The following FADS6 variants were observed in gnomAD, a reference collection of about 807,000 sequenced individuals.
FADS6 encodes fatty acid desaturase 6, also known as fatty acid desaturase domain family, member 6.
In FADS6, 28 loss-of-function variants were observed where a neutral mutation model predicts 31.7. The observed-to-expected ratio is 0.88, with a 90% CI of 0.66 to 1.21. The LOEUF is 1.21. Among genes scored for constraint, FADS6 ranks in the 50% most tolerant of loss-of-function variants. The probability of loss-of-function intolerance (pLI) is 0.00; values close to 1 mark genes in which losing one functional copy is unlikely to be tolerated. For missense variants in FADS6, 494 were observed against 504.2 expected (o/e 0.98, Z 0.19); for synonymous variants, 191 against 213.1 (o/e 0.90, Z 0.90).
chr17:74,892,415 G>GC (rs10715050), intron 2 of FADS6, 108 bp downstream of exon 2: 79,052 of 1,355,066 alleles, frequency 0.058, 3,647 homozygotes, highest in African/African-American at 0.23. Context: ...GCAGCGGCCT[G>GC]CCCCCGTGGG....
intron 3 of FADS6, 46 bp downstream of exon 3, chr17:74,882,484 C>G: frequency 6.4e-7 from 1 of 1,553,480 alleles, no homozygotes; most frequent in Middle Eastern, 1.8e-4. Flanking sequence ...AGCAGGGGAA[C>G]TAGGTCCATG....
chr17:74,892,744 C>A lies in FADS6; in HGVS notation c.245-55G>T, dbSNP rs1219058467. On this transcript the variant is annotated intron_variant, in intron 1 of 5. Transcript: ENST00000612771. The stretch of plus-strand genomic sequence containing the variant: ...TTTCTCTAGCTCTGGGTGATCTGGG[C>A]CCAAATACCTCAACCCTTACCCTGG... The A allele has an allele frequency of 4.0e-6, 6 of 1,517,668 alleles. No individual in the cohort carries two copies. In the Admixed American group the frequency reaches 9.9e-5, roughly 25 times the overall value. 94.0% of individuals were successfully genotyped at this position (1,517,668 alleles called of 1,614,324 possible). A position where few individuals can be genotyped will look rare whatever the true frequency, so the allele number is the denominator to read the frequency against.
intron 1 of FADS6, among the ~76,000 whole-genome samples, chr17:74,892,923 C>G (rs1162339500): frequency 6.6e-6 from 1 of 152,126 alleles, no homozygotes; most frequent in East Asian, 1.9e-4. Flanking sequence ...TCCTGGGCCC[C>G]CAGCCAAAGC....
intron 3 of FADS6, among the ~76,000 whole-genome samples, chr17:74,881,744 AAAAG>A (rs1169513106): frequency 1.3e-5 from 2 of 151,638 alleles, no homozygotes; most frequent in East Asian, 1.9e-4. Context: ...AAAAAAAAAA[AAAAG>A]AAAGAAAAGA....
chr17:74,877,823 C>T lies in FADS6; in HGVS notation c.*508G>A, dbSNP rs185530190. ...GGAAGGCCTGCCAAAAGCAAGCTCA[C>T]CCTAAGGTCCCCGGGGAGAGGGCAC... On this transcript the variant is annotated 3_prime_UTR_variant, in exon 6 of 6. Coordinates refer to ENST00000612771, the MANE Select transcript of FADS6 (RefSeq NM_178128.6). 2.5e-5 allele frequency: 25 copies of T among 986,370 alleles called. No homozygotes were observed. The African/African-American group carries it at 4.0e-4, about 16-fold the overall frequency. The allele number at this position is 986,370 out of a possible 1,614,324, so 61.1% of individuals were successfully genotyped here.
chr17:74,881,986 A>G (rs8077781), intron 3 of FADS6, among the ~76,000 whole-genome samples: 18,629 of 151,298 alleles, frequency 0.12, 2,208 homozygotes, highest in African/African-American at 0.31. Flanking sequence ...CCCAAGCTGG[A>G]GTGCAATGGT....
intron 4 of FADS6, among the ~76,000 whole-genome samples, chr17:74,880,410 A>G (rs1459639543): frequency 6.6e-6 from 1 of 152,072 alleles, no homozygotes; most frequent in East Asian, 1.9e-4. Context: ...GCTGGAGTTC[A>G]GTGGCGCAAT....
intron 2 of FADS6, 67 bp from the exon 3 acceptor site, chr17:74,882,777 T>G: frequency 6.4e-7 from 1 of 1,551,102 alleles, no homozygotes; most frequent in Non-Finnish European, 8.7e-7. Flanking sequence ...GCAGGACCTT[T>G]GAGAGCCCGG....
Position 74,892,692 on chromosome 17 carries a change from G to C in FADS6, c.245-3C>G, listed in dbSNP as rs772750492. 2 of 1,609,362 alleles carry C rather than the reference G, an allele frequency of 1.2e-6. No individual in the cohort carries two copies. The highest frequency in any genetic ancestry group is 1.7e-6 in the Non-Finnish European group (2 of 1,178,018). On this transcript the variant is annotated splice_region_variant and splice_polypyrimidine_tract_variant and intron_variant, in intron 1 of 5. Coordinates refer to ENST00000612771, the MANE Select transcript of FADS6 (RefSeq NM_178128.6). ...CTCCCAGCGCAGGCACAGGAAGCCTGCGTGGAGAGGAGGAAGAAGACGGGT... is the reference window on the plus strand; with the variant it reads ...CTCCCAGCGCAGGCACAGGAAGCCTCCGTGGAGAGGAGGAAGAAGACGGGT...
rs1385091665 is a variant in FADS6 at position 74,893,334 on chromosome 17, G to A, written c.244+18C>T. 2.0e-6 allele frequency: 3 copies of A among 1,506,984 alleles called. No homozygotes were observed. The highest frequency in any genetic ancestry group is 2.1e-5 in the Admixed American group (1 of 47,894). 93.4% of individuals were successfully genotyped at this position (1,506,984 alleles called of 1,614,324 possible). The stretch of plus-strand genomic sequence containing the variant: ...CACCCGCAGCCCGGCCGGGACGCCG[G>A]GTCCCCGCGTTCCTCACCTGCCGGC... On this transcript the variant is annotated intron_variant, in intron 1 of 5. Coordinates refer to ENST00000612771, the MANE Select transcript of FADS6 (RefSeq NM_178128.6).
At chr17:74,884,993 C>G (rs1383556999) in intron 2 of FADS6, among the ~76,000 whole-genome samples, 1 of 152,138 alleles carries the variant, frequency 6.6e-6, no homozygotes, top group African/African-American at 2.4e-5. Flanking sequence ...ACAGCGTGAG[C>G]CACTGCGCCC....
intron 2 of FADS6, among the ~76,000 whole-genome samples, chr17:74,884,282 C>A (rs1188930678): frequency 6.6e-6 from 1 of 152,218 alleles, no homozygotes; most frequent in African/African-American, 2.4e-5. Flanking sequence ...TGAGGACTTG[C>A]ACCTGGAGAC....
At chr17:74,882,447 C>A in intron 3 of FADS6, 83 bp downstream of exon 3, 3 of 1,452,096 alleles carry the variant, frequency 2.1e-6, no homozygotes, top group Non-Finnish European at 2.8e-6. Flanking sequence ...CTATAAGCAG[C>A]CTCCATGAAG....
At chr17:74,875,892 C>T (rs1455062593), downstream of FADS6, among the ~76,000 whole-genome samples, 1 of 152,084 alleles carries the variant, frequency 6.6e-6, no homozygotes. Context: ...ACTCAAAAGG[C>T]GTGATTGAGG....
Position 74,881,068 on chromosome 17 carries a change from C to G in FADS6, c.780G>C (p.Gln260His). ...AHPYLHVNIF[Q>H]HIGLPMFSRD... ...GCGCCCCAGGTTGGGGTGGCCTCAC[C>G]TGGAAGATGTTGACGTGGAGGTAGG... Residue 260 changes from glutamine to histidine, a missense_variant and splice_region_variant, in exon 4 of 6, where the codon CAG (glutamine) becomes CAC (histidine). Coordinates refer to ENST00000612771, the MANE Select transcript of FADS6 (RefSeq NM_178128.6). 1 of 1,611,972 alleles carries G rather than the reference C, an allele frequency of 6.2e-7. No individual in the cohort carries two copies. The highest frequency in any genetic ancestry group is 1.1e-5 in the South Asian group (1 of 90,712).
downstream of FADS6, among the ~76,000 whole-genome samples, chr17:74,874,972 G>A (rs1334331622): frequency 1.3e-5 from 2 of 152,212 alleles, no homozygotes; most frequent in East Asian, 3.9e-4. Context: ...TACATTATAA[G>A]CTCCATGAGG....
In FADS6 at chr17:74,877,622, C is replaced by G; in HGVS notation, c.*709G>C. The G allele has an allele frequency of 1.1e-6, 1 of 936,510 alleles. No homozygotes were observed. Among genetic ancestry groups the G allele is most frequent in the African/African-American group, 1.8e-5 (1 of 56,160 alleles). The allele number at this position is 936,510 out of a possible 1,614,324, so 58.0% of individuals were successfully genotyped here. ...TGCTGGGATTACAGGCATGAGCCAC[C>G]GCCCCTGGCTGGCTATTTATACTCT... On this transcript the variant is annotated 3_prime_UTR_variant, in exon 6 of 6. Coordinates refer to ENST00000612771, the MANE Select transcript of FADS6 (RefSeq NM_178128.6).
chr17:74,882,679 G>A lies in FADS6; in HGVS notation c.443C>T (p.Thr148Met), dbSNP rs574003859. ...ATGGTGCATCTTGACGTGCCCATGC[G>A]TGGCGTGCTCTGCAGTGAAGGCTGT... ...VCTAFTAEHA[T>M]HGHVKMHHAY... The change falls in exon 3 of 6, where the codon ACG (threonine) becomes ATG (methionine). Residue 148 changes from threonine to methionine, a missense_variant. Thr to Met is a moderately conservative substitution (Grantham distance 81). Around this residue, in one of 2 missense-constraint regions of FADS6, gnomAD observed 454 missense variants for 438.5 expected, o/e 1.04. Transcript: ENST00000612771. 100 of 1,611,066 alleles carry A rather than the reference G, an allele frequency of 6.2e-5. No homozygotes were observed. Among genetic ancestry groups the A allele is most frequent in the South Asian group, 3.5e-4 (32 of 90,242 alleles).
Position 74,882,712 on chromosome 17 carries a change from T to C in FADS6, c.412-2A>G. 6.2e-7 allele frequency: 1 copy of C among 1,607,322 alleles called. No homozygotes were observed. Among genetic ancestry groups the C allele is most frequent in the Non-Finnish European group, 8.5e-7 (1 of 1,177,740 alleles). ...CTCTGCAGTGAAGGCTGTGCACACC[T>C]AGAGGAGGGAACCAGAAATGACACT... is the stretch of plus-strand genomic sequence containing the variant. On this transcript the variant is annotated splice_acceptor_variant, in intron 2 of 5. Coordinates refer to ENST00000612771, the MANE Select transcript of FADS6 (RefSeq NM_178128.6). LOFTEE classifies it high-confidence loss of function.
Sources: allele counts gnomAD v4.1 joint callset (sites outside exome capture counted in the v4.1 genomes callset), GRCh38; gene constraint gnomAD v4.1.1; regional missense constraint gnomAD v4.1.1; transcripts MANE v1.5; gene names NCBI Gene and HGNC (gene_info 2026-07-23, HGNC 2026-07-21).